SEM1: variants seen among roughly 807,000 people sequenced by gnomAD.
SEM1 encodes the protein SEM1 26S proteasome subunit.
Under a neutral mutation model 12.7 loss-of-function variants are expected in SEM1, and 3 were observed. The observed-to-expected ratio is 0.24, with a 90% CI of 0.11 to 0.61. The LOEUF (loss-of-function observed/expected upper bound fraction) is 0.61, where lower values mean the gene tolerates loss of function less well. Among genes scored for constraint, SEM1 ranks in the 20% least tolerant of loss-of-function variants. The probability of loss-of-function intolerance (pLI) is 0.88; values close to 1 mark genes in which losing one functional copy is unlikely to be tolerated. For missense variants in SEM1, 59 were observed against 81.3 expected (o/e 0.73, Z 1.06); for synonymous variants, 30 against 27.8 (o/e 1.08, Z -0.25).
intron 2 of SEM1, among the ~76,000 whole-genome samples, chr7:96,573,522 A>G (rs1198348777): frequency 1.3e-5 from 2 of 152,176 alleles, no homozygotes; most frequent in African/African-American, 4.8e-5. Flanking sequence ...TCCTTCACTT[A>G]TGAAACTTAG....
At chr7:96,534,049 A>G (rs1196144739) in intron 2 of SEM1, among the ~76,000 whole-genome samples, 1 of 152,086 alleles carries the variant, frequency 6.6e-6, no homozygotes, top group Non-Finnish European at 1.5e-5. Flanking sequence ...ACATCTATGC[A>G]GATATCTGAG....
chr7:96,484,830 C>T lies in SEM1; in HGVS notation c.252G>A (p.Trp84Ter). The stretch of plus-strand genomic sequence containing the variant: ...TTATATCTTTGTTCCATTACCTTGC[C>T]CACTTCTTTTTTCTTGAGGTGGAGC... The change falls in exon 3 of 4, where the codon TGG becomes TGA. Residue 84 changes from tryptophan (W) to a stop codon, truncating the protein, a stop_gained. Transcript: ENST00000356686. LOFTEE classifies it low-confidence loss of function (END_TRUNC). The T allele has an allele frequency of 7.8e-7, 1 of 1,287,518 alleles. No homozygotes were observed. The highest frequency in any genetic ancestry group is 1.0e-6 in the Non-Finnish European group (1 of 986,712). The allele number at this position is 1,287,518 out of a possible 1,614,324, so 79.8% of individuals were successfully genotyped here. A position where few individuals can be genotyped will look rare whatever the true frequency, so the allele number is the denominator to read the frequency against.
rs550959216 is a variant in SEM1, at chr7:96,614,052, G to C, written c.170+80746C>G. 1.2e-4 allele frequency among the ~76,000 whole-genome samples: 18 copies of C among 152,286 alleles called. No homozygotes were observed. The South Asian group carries it at 3.7e-3, about 32-fold the overall frequency. ...CAACATACGAATTTCAATTCCTTTGGATATATGTGCAGAAGTGAGATTGCT... is the reference window on the plus strand; with the variant it reads ...CAACATACGAATTTCAATTCCTTTGCATATATGTGCAGAAGTGAGATTGCT... On this transcript the variant is annotated intron_variant and NMD_transcript_variant, in intron 2 of 3. Transcript: ENST00000466986.
chr7:96,527,678 A>C (rs574946809), intron 2 of SEM1, among the ~76,000 whole-genome samples: 2 of 152,298 alleles, frequency 1.3e-5, no homozygotes, highest in South Asian at 4.1e-4. Flanking sequence ...TAGCAAGTTT[A>C]TTAATTCACA....
chr7:96,484,790 CCCATTTATAT>C, intron 3 of SEM1: 2 of 1,241,170 alleles, frequency 1.6e-6, no homozygotes, highest in South Asian at 1.3e-5. Context: ...AGAAAAGTTA[CCCATTTATAT>C]CCATTTATAT....
At chr7:96,606,313 G>A (rs1220601422) in intron 2 of SEM1, among the ~76,000 whole-genome samples, 1 of 152,172 alleles carries the variant, frequency 6.6e-6, no homozygotes, top group African/African-American at 2.4e-5. Flanking sequence ...GATTTATACG[G>A]AGAACAAGGG....
intron 2 of SEM1, among the ~76,000 whole-genome samples, chr7:96,628,327 C>T (rs1006309728): frequency 6.6e-6 from 1 of 151,870 alleles, no homozygotes; most frequent in Non-Finnish European, 1.5e-5. Context: ...TTTTAATTTT[C>T]CTCCTGTCTT....
chr7:96,655,946 C>G (rs1191725525), intron 2 of SEM1, among the ~76,000 whole-genome samples: 1 of 152,108 alleles, frequency 6.6e-6, no homozygotes. Flanking sequence ...TAGGAAGAAG[C>G]CATTAATCTT....
At chr7:96,515,812 T>C (rs534411756) in intron 2 of SEM1, among the ~76,000 whole-genome samples, 3 of 152,060 alleles carry the variant, frequency 2.0e-5, no homozygotes, top group African/African-American at 7.2e-5. Flanking sequence ...CACTCATAAG[T>C]AGGAGCTGAA....
chr7:96,530,199 C>T (rs1300505280), intron 2 of SEM1, among the ~76,000 whole-genome samples: 1 of 152,018 alleles, frequency 6.6e-6, no homozygotes, highest in South Asian at 2.1e-4. Context: ...CTTGTCTGGA[C>T]TGGGTGGGTG....
intron 2 of SEM1, among the ~76,000 whole-genome samples, chr7:96,682,253 T>C (rs1402484315): frequency 6.6e-6 from 1 of 152,174 alleles, no homozygotes; most frequent in African/African-American, 2.4e-5. Context: ...GATACTTTGC[T>C]TAAGTTGCTT....
intron 2 of SEM1, among the ~76,000 whole-genome samples, chr7:96,601,325 T>C (rs1020246858): frequency 3.9e-5 from 6 of 151,922 alleles, no homozygotes; most frequent in Non-Finnish European, 5.9e-5. Flanking sequence ...TCTGAGGAAG[T>C]GAGTGCTAAG....
intron 1 of SEM1, among the ~76,000 whole-genome samples, chr7:96,492,540 G>T (rs1365911047): frequency 6.6e-6 from 1 of 151,736 alleles, no homozygotes; most frequent in Non-Finnish European, 1.5e-5. Context: ...CTTCTGAGCG[G>T]CTGGGACTAC....
chr7:96,591,723 A>G (rs946371111), intron 2 of SEM1, among the ~76,000 whole-genome samples: 1 of 152,036 alleles, frequency 6.6e-6, no homozygotes, highest in Non-Finnish European at 1.5e-5. Context: ...TTTCCTGAAC[A>G]TAGAGGGCTA....
chr7:96,522,188 A>C (rs1804296930), intron 2 of SEM1, among the ~76,000 whole-genome samples: 1 of 152,104 alleles, frequency 6.6e-6, no homozygotes, highest in East Asian at 1.9e-4. Flanking sequence ...TGGGACATCC[A>C]AGATGACACA....
At chr7:96,675,145 T>A (rs114601757) in intron 2 of SEM1, among the ~76,000 whole-genome samples, 17,389 of 151,800 alleles carry the variant, frequency 0.11, 1,564 homozygotes, top group African/African-American at 0.24. Flanking sequence ...GAAAATATAG[T>A]TGCATTTCTA....
chr7:96,581,913 G>A (rs185777229), intron 2 of SEM1, among the ~76,000 whole-genome samples: 346 of 152,270 alleles, frequency 2.3e-3, no homozygotes, highest in South Asian at 6.9e-3. Context: ...CGTGTCATCT[G>A]CAAACAGGGA....
intron 2 of SEM1, among the ~76,000 whole-genome samples, chr7:96,528,178 T>C (rs1436593987): frequency 1.3e-5 from 2 of 152,108 alleles, no homozygotes; most frequent in Non-Finnish European, 2.9e-5. Flanking sequence ...TGTATGCTCA[T>C]TTGCCCAATA....
At chr7:96,688,614 A>T (rs2115805063), downstream of SEM1, 1 of 190,210 alleles carries the variant, frequency 5.3e-6, no homozygotes, top group East Asian at 1.3e-4. Context: ...ACTCCAGATC[A>T]TTTAACCTGA....
Sources: allele counts gnomAD v4.1 joint callset (sites outside exome capture counted in the v4.1 genomes callset), GRCh38; gene constraint gnomAD v4.1.1; transcripts MANE v1.5; gene names NCBI Gene and HGNC (gene_info 2026-07-23, HGNC 2026-07-21).